The following FREM3 variants were observed in gnomAD, a reference collection of about 807,000 sequenced individuals.
FREM3 encodes FRAS1-related extracellular matrix protein 3.
In FREM3, 105 loss-of-function variants were observed where a neutral mutation model predicts 129.1. That is an observed-to-expected ratio of 0.81 (90% CI 0.69 to 0.96). The LOEUF is 0.96. Ranked by LOEUF, FREM3 falls within the 40% of genes least tolerant of loss-of-function variation. FREM3 has a pLI of 0.00. For missense variants in FREM3, 2,593 were observed against 2,666.3 expected (o/e 0.97, Z 0.61); for synonymous variants, 1,014 against 1,044.9 (o/e 0.97, Z 0.57).
intron 2 of FREM3, among the ~76,000 whole-genome samples, chr4:143,633,516 C>T (rs1223677134): frequency 6.6e-6 from 1 of 152,120 alleles, no homozygotes; most frequent in Admixed American, 6.6e-5. Flanking sequence ...ACAACAAAAT[C>T]CCACAGCAAT....
intron 6 of FREM3, among the ~76,000 whole-genome samples, chr4:143,595,071 A>T (rs1738442391): frequency 6.6e-6 from 1 of 152,252 alleles, no homozygotes; most frequent in South Asian, 2.1e-4. Flanking sequence ...TCTCAAAGAG[A>T]TAAAATTATC....
In FREM3 at chr4:143,699,786, C is replaced by T; in HGVS notation, c.890G>A (p.Arg297His). 6.5e-7 allele frequency: 1 copy of T among 1,535,322 alleles called. No individual in the cohort carries two copies. The highest frequency in any genetic ancestry group is 8.7e-7 in the Non-Finnish European group (1 of 1,146,188). ...REHFQLLVRI[R>H]GGAENTPPRP... Reference sequence around the variant, plus strand: ...GGGCGGTGTGTTCTCGGCTCCGCCGCGGATCCTCACGAGCAGCTGGAAGTG... The same window carrying T: ...GGGCGGTGTGTTCTCGGCTCCGCCGTGGATCCTCACGAGCAGCTGGAAGTG... The change falls in exon 1 of 8, where the codon CGC becomes CAC. Residue 297 changes from arginine (R) to histidine (H), a missense_variant. Arg to His is a conservative substitution (Grantham distance 29, BLOSUM62 0). Around this residue, in one of 2 missense-constraint regions of FREM3, gnomAD observed 2,276 missense variants for 2,267.2 expected, o/e 1.00. Coordinates refer to ENST00000329798, the MANE Select transcript of FREM3 (RefSeq NM_001168235.2). The surrounding 1 kb of genome is among the most constrained non-coding windows in gnomAD (Gnocchi z 4.2).
At chr4:143,688,405 C>T (rs1740405472) in intron 2 of FREM3, among the ~76,000 whole-genome samples, 1 of 152,172 alleles carries the variant, frequency 6.6e-6, no homozygotes. Context: ...ACATCCCATG[C>T]TCATGGATGG....
chr4:143,677,645 C>G (rs1740165659), intron 2 of FREM3, among the ~76,000 whole-genome samples: 1 of 152,166 alleles, frequency 6.6e-6, no homozygotes, highest in African/African-American at 2.4e-5. Context: ...ATCTACTCAT[C>G]TGACAAAGGG....
chr4:143,695,994 G>C lies in FREM3; in HGVS notation c.4682C>G (p.Thr1561Arg). The stretch of plus-strand genomic sequence containing the variant: ...ATCTGGGGTATCACTGTCTTCCACT[G>C]TCAACTCAAGGAGAGTGATCAGTTG... ...DSQLITLLELTVEDSDTPDDL... is the reference protein window; with the variant it reads ...DSQLITLLELRVEDSDTPDDL... The change falls in exon 1 of 8, where the codon ACA (threonine) becomes AGA (arginine). Residue 1561 changes from threonine to arginine, a missense_variant. Coordinates refer to ENST00000329798, the MANE Select transcript of FREM3 (RefSeq NM_001168235.2). 1 of 1,537,880 alleles carries C rather than the reference G, an allele frequency of 6.5e-7. No individual in the cohort carries two copies. The highest frequency in any genetic ancestry group is 8.7e-7 in the Non-Finnish European group (1 of 1,147,050).
chr4:143,693,141 G>A lies in FREM3; in HGVS notation c.5247C>T (p.Asp1749=), dbSNP rs1329053699. The A allele has an allele frequency of 2.0e-6, 3 of 1,513,506 alleles. No homozygotes were observed. Among genetic ancestry groups the A allele is most frequent in the Non-Finnish European group, 2.7e-6 (3 of 1,131,914 alleles). 93.8% of individuals were successfully genotyped at this position (1,513,506 alleles called of 1,614,324 possible). The part of the protein sequence containing the change: ...VLNEGSNASK[D]IFYFSVEDNG... ...TGTCTTCAACAGAGAAATAGAAGAT[G>A]TCCTTTGATGCGTTGCTGCCCTCAT... Residue 1749 remains aspartate, a synonymous_variant, in exon 2 of 8, where the codon GAC becomes GAT. Coordinates refer to ENST00000329798, the MANE Select transcript of FREM3 (RefSeq NM_001168235.2).
chr4:143,584,636 C>G (rs890152014), intron 7 of FREM3, among the ~76,000 whole-genome samples: 3 of 152,084 alleles, frequency 2.0e-5, no homozygotes, highest in African/African-American at 7.2e-5. Flanking sequence ...AAAACAAGTC[C>G]TTAAAGACCT....
chr4:143,589,661 A>C (rs1269652441), intron 6 of FREM3, among the ~76,000 whole-genome samples: 3 of 152,142 alleles, frequency 2.0e-5, no homozygotes, highest in Admixed American at 2.0e-4. Context: ...TTATAGTTTG[A>C]AGTCAGGTAG....
chr4:143,586,037 C>A, intron 6 of FREM3, 44 bp from the exon 7 acceptor site: 1 of 1,528,966 alleles, frequency 6.5e-7, no homozygotes, highest in Non-Finnish European at 8.8e-7. Context: ...TTCAGCCTGC[C>A]TGGTATACTG....
chr4:143,632,539 C>T (rs1484485139), intron 2 of FREM3, among the ~76,000 whole-genome samples: 1 of 152,146 alleles, frequency 6.6e-6, no homozygotes, highest in Non-Finnish European at 1.5e-5. Flanking sequence ...TTATTCCTAT[C>T]AATCAGTACC....
rs948467754 is a variant in FREM3 at position 143,699,985 on chromosome 4, C to T, written c.691G>A (p.Gly231Arg). The T allele has an allele frequency of 2.0e-5, 30 of 1,500,754 alleles. No homozygotes were observed. The African/African-American group carries it at 2.6e-4, about 13-fold the overall frequency. The allele number at this position is 1,500,754 out of a possible 1,614,324, so 93.0% of individuals were successfully genotyped here. The change falls in exon 1 of 8, where the codon GGG becomes AGG. Residue 231 changes from glycine (G) to arginine (R), a missense_variant. Transcript: ENST00000329798. This position sits in a 1 kb window ranked among gnomAD's most constrained non-coding sequence, Gnocchi z 4.2. ...PKYGRLVDAV[G>R]APLPRGKGVD... ...CCCTTGCCCCTGGGGAGAGGGGCCCCCACCGCGTCCACCAAGCGCCCGTAC... is the reference window on the plus strand; with the variant it reads ...CCCTTGCCCCTGGGGAGAGGGGCCCTCACCGCGTCCACCAAGCGCCCGTAC...
At chr4:143,678,315 C>T (rs553967609) in intron 2 of FREM3, among the ~76,000 whole-genome samples, 1 of 152,118 alleles carries the variant, frequency 6.6e-6, no homozygotes, top group East Asian at 1.9e-4. Context: ...ACCGCATGTT[C>T]TCACTCATAG....
intron 5 of FREM3, among the ~76,000 whole-genome samples, chr4:143,612,628 A>G (rs1404036692): frequency 6.6e-6 from 1 of 151,674 alleles, no homozygotes; most frequent in Non-Finnish European, 1.5e-5. Context: ...TTTTGCACCA[A>G]CCCAATAATT....
intron 6 of FREM3, among the ~76,000 whole-genome samples, chr4:143,595,428 A>G (rs974509337): frequency 1.3e-5 from 2 of 152,198 alleles, no homozygotes; most frequent in African/African-American, 2.4e-5. Flanking sequence ...CTTCAGTTCA[A>G]CGAACATCTA....
Position 143,700,350 on chromosome 4 carries a change from GC to G in FREM3, c.325del (p.Ala109ArgfsTer62). ...GCAGGGGAAGCGGCGCGGGGAGAGC[GC>G]GCCCTTGAGCCGCGGCAGGGCGTCC... Reference protein sequence around the residue: ...VLDALPRLKGALSPRRFPCTF... With the variant: ...VLDALPRLKGXLSPRRFPCTF... On this transcript the variant is annotated frameshift_variant, in exon 1 of 8. Coordinates refer to ENST00000329798, the MANE Select transcript of FREM3 (RefSeq NM_001168235.2). LOFTEE classifies it high-confidence loss of function. 3.3e-6 allele frequency: 5 copies of G among 1,534,796 alleles called. No homozygotes were observed. The highest frequency in any genetic ancestry group is 4.4e-6 in the Non-Finnish European group (5 of 1,145,914).
At chr4:143,664,747 C>A (rs553348692) in intron 2 of FREM3, among the ~76,000 whole-genome samples, 1 of 152,174 alleles carries the variant, frequency 6.6e-6, no homozygotes, top group African/African-American at 2.4e-5. Flanking sequence ...CCACCCAGTT[C>A]GAGCTTCCCA....
chr4:143,684,523 C>T (rs1326992357), intron 2 of FREM3, among the ~76,000 whole-genome samples: 1 of 152,200 alleles, frequency 6.6e-6, no homozygotes, highest in Non-Finnish European at 1.5e-5. Flanking sequence ...CAGCCCTAGA[C>T]CTTCCCTCTG....
chr4:143,616,191 A>G (rs999149680), intron 5 of FREM3, among the ~76,000 whole-genome samples: 1 of 152,228 alleles, frequency 6.6e-6, no homozygotes, highest in African/African-American at 2.4e-5. Context: ...TTAAAATGCT[A>G]GGAGAGAATT....
chr4:143,593,920 G>A (rs1203298515), intron 6 of FREM3, among the ~76,000 whole-genome samples: 2 of 152,136 alleles, frequency 1.3e-5, no homozygotes, highest in Non-Finnish European at 2.9e-5. Context: ...CTCAAGCCTC[G>A]GCAATGGCGG....
Sources: gnomAD v4.1 joint callset for allele counts (sites outside exome capture counted in the v4.1 genomes callset) on GRCh38, gnomAD v4.1.1 for gene constraint, gnomAD v4.1.1 regional missense constraint, Gnocchi (gnomAD v3.1) non-coding constraint, MANE v1.5 for transcripts, NCBI Gene and HGNC (gene_info 2026-07-23, HGNC 2026-07-21) for gene names.